SCHIP1: variants seen among roughly 807,000 people sequenced by gnomAD.
SCHIP1 encodes the protein schwannomin-interacting protein 1.
In SCHIP1, 8 loss-of-function variants were observed where a neutral mutation model predicts 29.7. The observed-to-expected ratio is 0.27, with a 90% confidence interval of 0.16 to 0.49. The LOEUF (loss-of-function observed/expected upper bound fraction) is 0.49. Among genes scored for constraint, SCHIP1 ranks in the 20% least tolerant of loss-of-function variants. SCHIP1 has a pLI of 0.99. For synonymous variants in SCHIP1, 76 were observed against 94.9 expected, an observed-to-expected ratio of 0.80 and a Z score of 1.16; for missense variants, 193 against 294.6, an observed-to-expected ratio of 0.66 and a Z score of 2.52.
At chr3:159,716,522 C>T in the SCHIP1 span, among the ~76,000 whole-genome samples, 3 of 152,094 alleles carry the variant, frequency 2.0e-5, no homozygotes, top group African/African-American at 4.8e-5. Context: ...TGTGCAGAGA[C>T]ACACATAGGC....
the SCHIP1 span, among the ~76,000 whole-genome samples, chr3:159,718,948 AG>A: frequency 1.4e-4 from 21 of 152,328 alleles, no homozygotes; most frequent in South Asian, 4.4e-3. Context: ...AAAAAGAACA[AG>A]GCTGGAGGCA....
chr3:159,445,323 T>C, the SCHIP1 span, among the ~76,000 whole-genome samples: 1 of 151,168 alleles, frequency 6.6e-6, no homozygotes, highest in Admixed American at 6.6e-5. Context: ...AAAACCACAA[T>C]GAGATACCAT....
At chr3:159,783,107 G>C in the SCHIP1 span, among the ~76,000 whole-genome samples, 1 of 152,170 alleles carries the variant, frequency 6.6e-6, no homozygotes, top group East Asian at 1.9e-4. Context: ...TCATTTATTT[G>C]CTCAGTAGCT....
At chr3:159,428,090 C>A in the SCHIP1 span, among the ~76,000 whole-genome samples, 1 of 151,870 alleles carries the variant, frequency 6.6e-6, no homozygotes, top group African/African-American at 2.4e-5. Flanking sequence ...ACCATAAAAA[C>A]CCTAGAAGAA....
the SCHIP1 span, among the ~76,000 whole-genome samples, chr3:159,556,435 T>A: frequency 6.6e-6 from 1 of 152,186 alleles, no homozygotes; most frequent in African/African-American, 2.4e-5. Context: ...CCCAAAGGAT[T>A]ATAAATCATG....
At chr3:159,513,987 A>G in the SCHIP1 span, among the ~76,000 whole-genome samples, 3 of 152,244 alleles carry the variant, frequency 2.0e-5, no homozygotes, top group African/African-American at 7.2e-5. Context: ...AAAACAAATT[A>G]GGCTATCTTG....
At chr3:159,454,775 T>C in the SCHIP1 span, among the ~76,000 whole-genome samples, 2 of 152,322 alleles carry the variant, frequency 1.3e-5, no homozygotes, top group Non-Finnish European at 2.9e-5. Flanking sequence ...GGAGCCTCAA[T>C]GACTTGTCCA....
chr3:159,493,000 TA>T, the SCHIP1 span, among the ~76,000 whole-genome samples: 1 of 152,184 alleles, frequency 6.6e-6, no homozygotes, highest in Non-Finnish European at 1.5e-5. Context: ...CCAGCCAAAC[TA>T]AGCTTCATAA....
the SCHIP1 span, among the ~76,000 whole-genome samples, chr3:159,509,607 G>T: frequency 7.0e-4 from 107 of 152,218 alleles, no homozygotes; most frequent in South Asian, 1.9e-3. Flanking sequence ...GGCTGGTACT[G>T]GTTGTTCCTT....
chr3:159,319,345 G>T, the SCHIP1 span, among the ~76,000 whole-genome samples: 2 of 152,160 alleles, frequency 1.3e-5, no homozygotes, highest in Non-Finnish European at 2.9e-5. Context: ...CAGCAATAAA[G>T]GTCAGTGTAA....
At chr3:159,357,977 G>T in the SCHIP1 span, among the ~76,000 whole-genome samples, 1 of 152,208 alleles carries the variant, frequency 6.6e-6, no homozygotes, top group African/African-American at 2.4e-5. Flanking sequence ...CACACAGAGG[G>T]GAAAGCTGTA....
At chr3:159,418,892 T>G in the SCHIP1 span, among the ~76,000 whole-genome samples, 2 of 152,248 alleles carry the variant, frequency 1.3e-5, no homozygotes, top group African/African-American at 4.8e-5. Context: ...ACGAAGGCTT[T>G]GGGGTTCCCC....
At chr3:159,456,660 T>C in the SCHIP1 span, among the ~76,000 whole-genome samples, 1 of 152,164 alleles carries the variant, frequency 6.6e-6, no homozygotes, top group Admixed American at 6.5e-5. Context: ...TGTTAATAGA[T>C]GTTCATGATG....
At chr3:159,470,510 A>G in the SCHIP1 span, among the ~76,000 whole-genome samples, 2 of 152,142 alleles carry the variant, frequency 1.3e-5, no homozygotes, top group Non-Finnish European at 2.9e-5. Context: ...CAGAGCTATA[A>G]TGGGCCCAGT....
chr3:159,451,063 C>T, the SCHIP1 span, among the ~76,000 whole-genome samples: 1 of 152,248 alleles, frequency 6.6e-6, no homozygotes, highest in South Asian at 2.1e-4. Flanking sequence ...CTGCCTCGGC[C>T]TCCGAAGTAC....
chr3:159,883,853 T>G (rs2109409580), intron 2 of SCHIP1, among the ~76,000 whole-genome samples: 1 of 152,278 alleles, frequency 6.6e-6, no homozygotes, highest in South Asian at 2.1e-4. Flanking sequence ...CCCCCAACTT[T>G]TTTTTTTCTT....
At chr3:159,624,801 G>A in the SCHIP1 span, among the ~76,000 whole-genome samples, 302 of 152,226 alleles carry the variant, frequency 2.0e-3, 3 homozygotes, top group Admixed American at 3.5e-3. Context: ...GCCTTCCAAC[G>A]AAAAGGTTGT....
the SCHIP1 span, among the ~76,000 whole-genome samples, chr3:159,397,926 C>T: frequency 5.9e-5 from 9 of 152,326 alleles, no homozygotes; most frequent in African/African-American, 9.6e-5. Flanking sequence ...CCCCCAGCCT[C>T]GCTGCCACCT....
the SCHIP1 span, among the ~76,000 whole-genome samples, chr3:159,758,107 T>G: frequency 6.6e-6 from 1 of 152,150 alleles, no homozygotes; most frequent in Admixed American, 6.5e-5. Context: ...TTCAATTTAT[T>G]CTCTTCAATG....
Sources: allele counts gnomAD v4.1 joint callset (sites outside exome capture counted in the v4.1 genomes callset), GRCh38; gene constraint gnomAD v4.1.1; transcripts MANE v1.5; gene names NCBI Gene and HGNC (gene_info 2026-07-23, HGNC 2026-07-21).